Variants in PTPRT observed in about 807,000 individuals in gnomAD.
PTPRT encodes the protein protein tyrosine phosphatase receptor type T.
PTPRT carries 56 observed loss-of-function variants against 176.8 expected under a neutral mutation model. That is an observed-to-expected ratio of 0.32 (90% confidence interval 0.26 to 0.40). The LOEUF (loss-of-function observed/expected upper bound fraction) is 0.40, where lower values mean the gene tolerates loss of function less well. Ranked by LOEUF, PTPRT falls within the 10% of genes least tolerant of loss-of-function variation. The pLI is 1.00. For synonymous variants in PTPRT, 783 were observed against 739.0 expected, an observed-to-expected ratio of 1.06 and a Z score of -0.96; for missense variants, 1,540 against 1,908.2, an observed-to-expected ratio of 0.81 and a Z score of 3.60.
At chr20:42,472,689 T>C (rs2071220189) in intron 7 of PTPRT, 127 bp from the exon 8 acceptor site, 1 of 967,318 alleles carries the variant, frequency 1.0e-6, no homozygotes, top group Non-Finnish European at 1.5e-6. Flanking sequence ...ACTGCCATCA[T>C]GATTTTTGAC....
At position 42,556,078 on chromosome 20, in the gene PTPRT, T is replaced by C. The variant is rs144205701; in HGVS notation, c.1154-83516A>G. Among the ~76,000 whole-genome samples, 564 of 152,274 alleles carry C rather than the reference T, an allele frequency of 3.7e-3. 6 individuals carry two copies. Among genetic ancestry groups the C allele is most frequent in the African/African-American group, 0.013 (539 of 41,564 alleles). On this transcript the variant is annotated intron_variant, in intron 7 of 30. Transcript: ENST00000373187. ...GTAACTCTCTCAAGGCACACATCTA[T>C]TAAGCGACAAAGACTCTATTGAAAA...
chr20:42,341,146 C>T (rs2058105471), intron 11 of PTPRT, among the ~76,000 whole-genome samples: 1 of 152,030 alleles, frequency 6.6e-6, no homozygotes, highest in South Asian at 2.1e-4. Flanking sequence ...TCTTATTCTC[C>T]AAATAGCACT....
chr20:42,724,704 A>G (rs540232110), intron 6 of PTPRT, among the ~76,000 whole-genome samples: 6 of 152,310 alleles, frequency 3.9e-5, no homozygotes, highest in Non-Finnish European at 8.8e-5. Flanking sequence ...AGGCCAAGAC[A>G]GGAGGATCAC....
chr20:42,613,467 G>C (rs1419649343), intron 7 of PTPRT, among the ~76,000 whole-genome samples: 1 of 152,238 alleles, frequency 6.6e-6, no homozygotes, highest in Non-Finnish European at 1.5e-5. Context: ...CACAGCTTAG[G>C]TAACTTGAAA....
At chr20:42,197,927 T>C (rs1203912221) in intron 16 of PTPRT, among the ~76,000 whole-genome samples, 2 of 152,234 alleles carry the variant, frequency 1.3e-5, no homozygotes, top group African/African-American at 2.4e-5. Context: ...AGCATAGCTA[T>C]TGCCTCTGTC....
chr20:42,080,896 A>G lies in PTPRT; in HGVS notation c.4309T>C (p.Tyr1437His). The G allele has an allele frequency of 6.2e-7, 1 of 1,611,390 alleles. No homozygotes were observed. Among genetic ancestry groups the G allele is most frequent in the South Asian group, 1.1e-5 (1 of 91,018 alleles). The change falls in exon 31 of 31, where the codon TAT (tyrosine) becomes CAT (histidine). Residue 1437 changes from tyrosine (Y) to histidine (H), a missense_variant. Around this residue, in one of 11 missense-constraint regions of PTPRT, gnomAD observed 342 missense variants for 394.0 expected, o/e 0.87. Transcript: ENST00000373187. ...CCATTGAGCTAAAAGGAGCTTAAAT[A>G]TTCCAGTGCCACCTCGTATACAAAT... ...YKFVYEVALE[Y>H]LSSF
chr20:42,050,533 C>T, the PTPRT span, among the ~76,000 whole-genome samples: 1 of 152,158 alleles, frequency 6.6e-6, no homozygotes, highest in African/African-American at 2.4e-5. Flanking sequence ...CGGGCTGTCT[C>T]CCACAATGGA....
At chr20:42,303,942 T>A (rs925305721) in intron 12 of PTPRT, among the ~76,000 whole-genome samples, 3 of 152,216 alleles carry the variant, frequency 2.0e-5, no homozygotes, top group African/African-American at 7.2e-5. Context: ...TGCCTACTAT[T>A]TTCATCAGTG....
intron 6 of PTPRT, among the ~76,000 whole-genome samples, chr20:42,731,159 C>A (rs1046997288): frequency 1.3e-5 from 2 of 152,200 alleles, no homozygotes; most frequent in African/African-American, 4.8e-5. Context: ...ACACAGCCTC[C>A]CCTTGTGCAA....
intron 7 of PTPRT, among the ~76,000 whole-genome samples, chr20:42,621,189 G>C (rs555238847): frequency 6.6e-6 from 1 of 152,116 alleles, no homozygotes; most frequent in South Asian, 2.1e-4. Context: ...CCTAAAGCAA[G>C]GTGCATCCTT....
At chr20:42,032,534 T>G in the PTPRT span, among the ~76,000 whole-genome samples, 1 of 152,174 alleles carries the variant, frequency 6.6e-6, no homozygotes, top group Non-Finnish European at 1.5e-5. Flanking sequence ...ATGAGATTCC[T>G]TATTGATCAT....
intron 23 of PTPRT, 21 bp downstream of exon 23, chr20:42,110,312 G>A (rs1986895158): frequency 6.3e-7 from 1 of 1,577,002 alleles, no homozygotes; most frequent in Non-Finnish European, 8.7e-7. Flanking sequence ...GGCCTCCCAA[G>A]GTGAAGGACC....
chr20:42,548,884 G>T (rs973632296), intron 7 of PTPRT, among the ~76,000 whole-genome samples: 1 of 152,144 alleles, frequency 6.6e-6, no homozygotes, highest in Non-Finnish European at 1.5e-5. Context: ...TTAGTTATCA[G>T]AGAAATGAAG....
chr20:42,283,230 C>A (rs1381363844), intron 12 of PTPRT, among the ~76,000 whole-genome samples: 1 of 152,038 alleles, frequency 6.6e-6, no homozygotes, highest in Non-Finnish European at 1.5e-5. Context: ...AATTCTCTGC[C>A]CGCTTTACTG....
intron 2 of PTPRT, among the ~76,000 whole-genome samples, chr20:42,791,726 C>T (rs1055194956): frequency 9.8e-5 from 15 of 152,346 alleles, no homozygotes; most frequent in Middle Eastern, 6.8e-3. Context: ...ATTTCTACAA[C>T]GTGCTACTAT....
intron 7 of PTPRT, among the ~76,000 whole-genome samples, chr20:42,481,790 A>T (rs1412612284): frequency 6.7e-6 from 1 of 149,806 alleles, no homozygotes; most frequent in Non-Finnish European, 1.5e-5. Context: ...ACACACACAC[A>T]CACACACACA....
intron 6 of PTPRT, among the ~76,000 whole-genome samples, chr20:42,696,041 G>C (rs1003826039): frequency 6.6e-6 from 1 of 152,070 alleles, no homozygotes; most frequent in Non-Finnish European, 1.5e-5. Flanking sequence ...CAAAAGCGAT[G>C]TGATAATATT....
intron 3 of PTPRT, among the ~76,000 whole-genome samples, chr20:42,784,881 C>T (rs1194474359): frequency 6.6e-6 from 1 of 152,130 alleles, no homozygotes; most frequent in African/African-American, 2.4e-5. Context: ...ATCAAATTAA[C>T]ATCACCTAGA....
At chr20:42,781,116 C>T (rs942588719) in intron 3 of PTPRT, among the ~76,000 whole-genome samples, 3 of 151,980 alleles carry the variant, frequency 2.0e-5, no homozygotes, top group African/African-American at 7.3e-5. Context: ...TCTTGACCTG[C>T]TCCTCAGGCT....
Sources: gnomAD v4.1 joint callset for allele counts (sites outside exome capture counted in the v4.1 genomes callset) on GRCh38, gnomAD v4.1.1 for gene constraint, gnomAD v4.1.1 regional missense constraint, MANE v1.5 for transcripts, NCBI Gene and HGNC (gene_info 2026-07-23, HGNC 2026-07-21) for gene names.